Variants in AGBL1 observed in about 807,000 individuals in gnomAD.
AGBL1 encodes the protein cytosolic carboxypeptidase 4.
In AGBL1, 130 loss-of-function variants were observed where a neutral mutation model predicts 118.9. That is an observed-to-expected ratio of 1.09 (90% CI 0.95 to 1.26). The LOEUF is 1.26. Among genes scored for constraint, AGBL1 ranks in the 50% most tolerant of loss-of-function variants. The probability of loss-of-function intolerance (pLI) is 0.00; values close to 1 mark genes in which losing one functional copy is unlikely to be tolerated. For missense variants in AGBL1, 1,584 were observed against 1,298.1 expected, an observed-to-expected ratio of 1.22 and a Z score of -3.38; for synonymous variants, 555 against 478.9, an observed-to-expected ratio of 1.16 and a Z score of -2.08.
chr15:86,104,712 G>C (rs886985139), intron 1 of AGBL1, among the ~76,000 whole-genome samples: 2 of 152,334 alleles, frequency 1.3e-5, no homozygotes, highest in African/African-American at 2.4e-5. Context: ...TACAGGGGCT[G>C]TTGGGCCTTA....
chr15:86,535,460 C>T (rs961568909), intron 19 of AGBL1, among the ~76,000 whole-genome samples: 8 of 152,230 alleles, frequency 5.3e-5, no homozygotes, highest in Non-Finnish European at 7.3e-5. Context: ...TGCAGCTGGC[C>T]TGGCCCCTGT....
Position 86,872,798 on chromosome 15 carries a change from A to AAATC in AGBL1, c.3159-34288_3159-34285dup, listed in dbSNP as rs200896124. On this transcript the variant is annotated intron_variant, in intron 22 of 22. Coordinates refer to ENST00000614907, the MANE Select transcript of AGBL1 (RefSeq NM_001386094.1). Reference sequence around the variant, plus strand: ...AGAAAGTACTTTCTATGCCAGTTACAAATCCATAATGATATGTTTAGCAAT... The same window carrying AAATC: ...AGAAAGTACTTTCTATGCCAGTTACAAATCAATCCATAATGATATGTTTAGCAAT... Among the ~76,000 whole-genome samples the AAATC allele has an allele frequency of 8.1e-3, 1,240 of 152,300 alleles. 51 individuals carry two copies. Among genetic ancestry groups the AAATC allele is most frequent in the Admixed American group, 0.067 (1,024 of 15,296 alleles).
At chr15:86,892,230 T>C (rs1205489067) in intron 22 of AGBL1, among the ~76,000 whole-genome samples, 10 of 152,198 alleles carry the variant, frequency 6.6e-5, no homozygotes, top group Non-Finnish European at 1.5e-4. Flanking sequence ...CATTCCCATT[T>C]TCATAAAGAG....
In AGBL1 at chr15:86,154,538, C is replaced by T. The variant is rs2077162517; in HGVS notation, c.371C>T (p.Ala124Val). Residue 124 changes from alanine to valine, a missense_variant, in exon 4 of 23, where the codon GCT (alanine) becomes GTT (valine). Ala to Val is a moderately conservative substitution (Grantham distance 64). Coordinates refer to ENST00000614907, the MANE Select transcript of AGBL1 (RefSeq NM_001386094.1). Reference protein sequence around the residue: ...HGQNLLHCLWALRVFASSVSM... With the variant: ...HGQNLLHCLWVLRVFASSVSM... The stretch of plus-strand genomic sequence containing the variant: ...CAGAATCTCCTCCACTGTCTCTGGG[C>T]TCTGCGTGTGTTTGCCTCCAGTGGT... 1.9e-6 allele frequency: 3 copies of T among 1,611,850 alleles called. No individual in the cohort carries two copies. Among genetic ancestry groups the T allele is most frequent in the Non-Finnish European group, 2.5e-6 (3 of 1,178,858 alleles).
In AGBL1 at chr15:86,526,544, GTATATATATATA is replaced by G. The variant is rs1555422465; in HGVS notation, c.2685+3624_2685+3635del. On this transcript the variant is annotated intron_variant, in intron 19 of 22. Transcript: ENST00000614907. ...TGCACACAGATATGTTTGTGTCTGTGTATATATATATATATATATATATATATATACACACAG... is the reference window on the plus strand; with the variant it reads ...TGCACACAGATATGTTTGTGTCTGTGTATATATATATATATATACACACAG... 1.7e-3 allele frequency among the ~76,000 whole-genome samples: 204 copies of G among 119,440 alleles called. 1 individual carries two copies. The highest frequency in any genetic ancestry group is 4.9e-3 in the African/African-American group (149 of 30,476). The allele number at this position is 119,440 out of a possible 152,430, so 78.4% of individuals were successfully genotyped here.
At position 86,279,689 on chromosome 15, in the gene AGBL1, G is replaced by T; in HGVS notation, c.2126G>T (p.Cys709Phe). 6.2e-7 allele frequency: 1 copy of T among 1,613,494 alleles called. No homozygotes were observed. The highest frequency in any genetic ancestry group is 8.5e-7 in the Non-Finnish European group (1 of 1,179,506). The part of the protein sequence containing the change: ...TAVAGGASGK[C>F]YYTLTFAVTF... Reference sequence around the variant, plus strand: ...GTTGCAGGCGGAGCATCTGGGAAGTGCTACTATACCCTCACCTTTGCTGTC... The same window carrying T: ...GTTGCAGGCGGAGCATCTGGGAAGTTCTACTATACCCTCACCTTTGCTGTC... The change falls in exon 16 of 23, where the codon TGC (cysteine) becomes TTC (phenylalanine). Residue 709 changes from cysteine (C) to phenylalanine (F), a missense_variant. Physicochemically the swap from Cys to Phe is radical, Grantham distance 205. Coordinates refer to ENST00000614907, the MANE Select transcript of AGBL1 (RefSeq NM_001386094.1).
At chr15:86,885,771 C>T (rs2079960784) in intron 22 of AGBL1, among the ~76,000 whole-genome samples, 1 of 152,158 alleles carries the variant, frequency 6.6e-6, no homozygotes, top group South Asian at 2.1e-4. Flanking sequence ...TAACTTACTC[C>T]ATGCTCTGAG....
intron 3 of AGBL1, among the ~76,000 whole-genome samples, chr15:86,149,122 A>G (rs1391350027): frequency 6.6e-6 from 1 of 152,224 alleles, no homozygotes; most frequent in Non-Finnish European, 1.5e-5. Context: ...GAGCTCCTGA[A>G]GGAAGCACTA....
chr15:86,585,801 T>A lies in AGBL1; in HGVS notation c.2994+31264T>A, dbSNP rs141931660. Among the ~76,000 whole-genome samples, 115 of 152,344 alleles carry A rather than the reference T, an allele frequency of 7.5e-4. 2 individuals carry two copies. The highest frequency in any genetic ancestry group is 2.6e-3 in the Admixed American group (40 of 15,298). ...ACTTGGTTATTTAAGTTGCACAGAC[T>A]GGAGACTAGGTGTGAAATCCAGGAA... On this transcript the variant is annotated intron_variant, in intron 21 of 22. Coordinates refer to ENST00000614907, the MANE Select transcript of AGBL1 (RefSeq NM_001386094.1).
chr15:86,556,184 C>A, intron 21 of AGBL1: 1 of 1,545,934 alleles, frequency 6.5e-7, no homozygotes, highest in Admixed American at 1.8e-5. Context: ...AATGAAATGA[C>A]TCATAGGTTC....
intron 18 of AGBL1, among the ~76,000 whole-genome samples, chr15:86,513,963 C>T (rs1176418987): frequency 2.0e-5 from 3 of 151,948 alleles, no homozygotes; most frequent in Non-Finnish European, 4.4e-5. Flanking sequence ...ATATTCTTTT[C>T]TTCTGCCCCA....
At chr15:86,921,676 T>C (rs2080483288) in intron 23 of AGBL1, among the ~76,000 whole-genome samples, 1 of 152,122 alleles carries the variant, frequency 6.6e-6, no homozygotes, top group African/African-American at 2.4e-5. Context: ...AGTTGCCTAG[T>C]GGGACAGGAA....
At chr15:86,467,560 T>A (rs1468706106) in intron 18 of AGBL1, among the ~76,000 whole-genome samples, 1 of 152,208 alleles carries the variant, frequency 6.6e-6, no homozygotes, top group East Asian at 1.9e-4. Flanking sequence ...TCTGCCCAAA[T>A]GGCCTTGCCG....
At chr15:86,769,210 A>ACAGAGAAAGAGG (rs1330689917) in intron 22 of AGBL1, among the ~76,000 whole-genome samples, 2 of 151,440 alleles carry the variant, frequency 1.3e-5, no homozygotes, top group African/African-American at 4.9e-5. Flanking sequence ...AGGGAGAGAG[A>ACAGAGAAAGAGG]GAGAGAGAGA....
intron 1 of AGBL1, among the ~76,000 whole-genome samples, chr15:86,112,704 C>G (rs777280954): frequency 1.3e-5 from 2 of 152,214 alleles, no homozygotes; most frequent in South Asian, 4.1e-4. Flanking sequence ...AATTTACACT[C>G]TCTTCAGCAG....
intron 21 of AGBL1, among the ~76,000 whole-genome samples, chr15:86,621,754 C>G (rs901264766): frequency 1.6e-4 from 25 of 152,204 alleles, no homozygotes; most frequent in African/African-American, 5.8e-4. Flanking sequence ...TTTATTCTCT[C>G]TCACACTCAG....
Position 86,312,908 on chromosome 15 carries a change from C to T in AGBL1, c.2374+17500C>T, listed in dbSNP as rs924170. Among the ~76,000 whole-genome samples, 56 of 152,276 alleles carry T rather than the reference C, an allele frequency of 3.7e-4. No homozygotes were observed. In the East Asian group the frequency reaches 8.3e-3, roughly 23 times the overall value. ...AAAAAACATTTTGTTCAATGTTCAA[C>T]AAAAATAACTCCCATCATTAGCAAC... is the stretch of plus-strand genomic sequence containing the variant. On this transcript the variant is annotated intron_variant, in intron 17 of 22. Transcript: ENST00000614907.
intron 1 of AGBL1, among the ~76,000 whole-genome samples, chr15:86,089,456 A>G (rs1049036445): frequency 6.6e-6 from 1 of 152,160 alleles, no homozygotes; most frequent in Non-Finnish European, 1.5e-5. Flanking sequence ...GGCTCAAGAG[A>G]GCCATTCTGA....
chr15:86,301,643 T>G (rs1366293387), intron 17 of AGBL1, among the ~76,000 whole-genome samples: 20 of 360 alleles, frequency 0.056, no homozygotes, highest in Admixed American at 0.16. Context: ...ATCTACAGGG[T>G]GTGTGTGTGT....
Sources: gnomAD v4.1 joint callset for allele counts (sites outside exome capture counted in the v4.1 genomes callset) on GRCh38, gnomAD v4.1.1 for gene constraint, MANE v1.5 for transcripts, NCBI Gene and HGNC (gene_info 2026-07-23, HGNC 2026-07-21) for gene names.